DCAF1: variants seen among roughly 807,000 people sequenced by gnomAD.
DCAF1 encodes DDB1 and CUL4 associated factor 1, also known as DDB1- and CUL4-associated factor 1.
In DCAF1, 15 loss-of-function variants were observed where a neutral mutation model predicts 128.0. The observed-to-expected ratio is 0.12, with a 90% confidence interval of 0.08 to 0.18. The LOEUF is 0.18. Among genes scored for constraint, DCAF1 ranks in the 10% least tolerant of loss-of-function variants. DCAF1 has a pLI of 1.00. For missense variants in DCAF1, 988 were observed against 1,649.5 expected (o/e 0.60, Z 6.95); for synonymous variants, 610 against 603.0 (o/e 1.01, Z -0.17).
chr3:51,402,390 A>G (rs2089771422), intron 24 of DCAF1, among the ~76,000 whole-genome samples: 1 of 152,148 alleles, frequency 6.6e-6, no homozygotes, highest in Non-Finnish European at 1.5e-5. Context: ...CTTTCATTCT[A>G]AGGCTAATCC....
At chr3:51,429,124 G>A (rs1435677350) in intron 12 of DCAF1, 137 bp downstream of exon 12, 1 of 610,576 alleles carries the variant, frequency 1.6e-6, no homozygotes, top group African/African-American at 1.8e-5. Flanking sequence ...TTTTTCAATT[G>A]TTCTGCCTTC....
At chr3:51,490,707 C>T (rs1314523590) in intron 2 of DCAF1, among the ~76,000 whole-genome samples, 2 of 150,316 alleles carry the variant, frequency 1.3e-5, no homozygotes, top group East Asian at 4.0e-4. Context: ...GGTGGATCAC[C>T]TGAGTTCAAG....
intron 4 of DCAF1, among the ~76,000 whole-genome samples, chr3:51,470,529 G>A (rs1268552449): frequency 6.6e-6 from 1 of 152,150 alleles, no homozygotes; most frequent in Non-Finnish European, 1.5e-5. Flanking sequence ...TCATGCCACT[G>A]CACTGCAACC....
rs370156117 is a variant in DCAF1 at position 51,499,428 on chromosome 3, G to A, written c.-56+445C>T. ...ACGGGAGAGCCCGCCCAGGTGACTGGAGCTGGAGGCGGAGACACAGTCCGG... is the reference window on the plus strand; with the variant it reads ...ACGGGAGAGCCCGCCCAGGTGACTGAAGCTGGAGGCGGAGACACAGTCCGG... On this transcript the variant is annotated intron_variant, in intron 1 of 24. Transcript: ENST00000684031. 5.9e-5 allele frequency among the ~76,000 whole-genome samples: 9 copies of A among 152,320 alleles called. No homozygotes were observed. The East Asian group carries it at 1.5e-3, about 26-fold the overall frequency.
chr3:51,504,227 G>A (rs1347578415), upstream of DCAF1, among the ~76,000 whole-genome samples: 2 of 151,682 alleles, frequency 1.3e-5, no homozygotes, highest in Non-Finnish European at 1.5e-5. Context: ...TAGTAAAGAC[G>A]GGGTTTCACT....
chr3:51,462,608 T>C (rs1703721810), intron 6 of DCAF1, among the ~76,000 whole-genome samples: 1 of 151,688 alleles, frequency 6.6e-6, no homozygotes, highest in Non-Finnish European at 1.5e-5. Flanking sequence ...TAAGTGGACA[T>C]GGTGGTGGGC....
intron 6 of DCAF1, among the ~76,000 whole-genome samples, chr3:51,462,655 A>T (rs1703728059): frequency 6.7e-6 from 1 of 149,918 alleles, no homozygotes; most frequent in Non-Finnish European, 1.5e-5. Flanking sequence ...CTGAGGCAGG[A>T]GAATCACTTA....
intron 3 of DCAF1, among the ~76,000 whole-genome samples, chr3:51,477,702 G>A (rs1167547322): frequency 6.6e-6 from 1 of 152,080 alleles, no homozygotes; most frequent in East Asian, 1.9e-4. Flanking sequence ...GTAAATCTGA[G>A]AATGTCTATC....
intron 3 of DCAF1, among the ~76,000 whole-genome samples, chr3:51,476,853 C>T (rs1705521533): frequency 6.6e-6 from 1 of 151,894 alleles, no homozygotes; most frequent in African/African-American, 2.4e-5. Flanking sequence ...CCAGCCTGGG[C>T]AACAGAGCAG....
At position 51,461,534 on chromosome 3, in the gene DCAF1, C is replaced by T. The variant is rs573333789; in HGVS notation, c.375+1580G>A. 4.0e-3 allele frequency among the ~76,000 whole-genome samples: 610 copies of T among 151,968 alleles called. 19 individuals carry two copies. Among genetic ancestry groups the T allele is most frequent in the Admixed American group, 0.035 (537 of 15,248 alleles). On this transcript the variant is annotated intron_variant, in intron 6 of 24. Transcript: ENST00000684031. Reference sequence around the variant, plus strand: ...CCTCAGGGATCTAGAACTAGAAATACCATTTGACCCAGCCATCCCATTACT... The same window carrying T: ...CCTCAGGGATCTAGAACTAGAAATATCATTTGACCCAGCCATCCCATTACT...
Position 51,420,710 on chromosome 3 carries a change from T to A in DCAF1, c.2260A>T (p.Ile754Phe). 1 of 1,614,000 alleles carries A rather than the reference T, an allele frequency of 6.2e-7. No homozygotes were observed. The highest frequency in any genetic ancestry group is 8.5e-7 in the Non-Finnish European group (1 of 1,179,888). The change falls in exon 15 of 25, where the codon ATC becomes TTC. Residue 754 changes from isoleucine to phenylalanine, a missense_variant. Transcript: ENST00000684031. The surrounding 1 kb of genome is among the most constrained non-coding windows in gnomAD (Gnocchi z 6.5). ...AGGGCTTTGCAGGCCAGGGCCCGGA[T>A]TTGGTCTGCATCTGTGATGGGCATC... ...IKMPITDADQ[I>F]RALACKALVG...
At chr3:51,397,397 C>G (rs1384436236), downstream of DCAF1, 2 of 167,084 alleles carry the variant, frequency 1.2e-5, no homozygotes, top group Non-Finnish European at 2.9e-5. Flanking sequence ...CCAGGATGCT[C>G]AAGTCCACTG....
intron 9 of DCAF1, among the ~76,000 whole-genome samples, chr3:51,438,893 G>A (rs1261607524): frequency 1.3e-5 from 2 of 152,150 alleles, no homozygotes; most frequent in Admixed American, 6.5e-5. Flanking sequence ...TTACAGACAT[G>A]AGCCACCGCG....
intron 22 of DCAF1, 85 bp from the exon 23 acceptor site, chr3:51,412,565 C>A: frequency 6.3e-7 from 1 of 1,581,018 alleles, no homozygotes; most frequent in Non-Finnish European, 8.6e-7. Context: ...GTGCCCATGA[C>A]CTTGACCCTG....
chr3:51,453,031 A>T (rs1702516645), intron 6 of DCAF1, among the ~76,000 whole-genome samples: 1 of 151,630 alleles, frequency 6.6e-6, no homozygotes, highest in Non-Finnish European at 1.5e-5. Context: ...AAAAAAAAAA[A>T]TCTGTAATCT....
chr3:51,475,649 C>G (rs892692604), intron 3 of DCAF1, among the ~76,000 whole-genome samples: 1 of 152,158 alleles, frequency 6.6e-6, no homozygotes, highest in African/African-American at 2.4e-5. Flanking sequence ...ATCATGAGGT[C>G]AGGAGATCAA....
intron 2 of DCAF1, 104 bp from the exon 3 acceptor site, chr3:51,483,940 TAA>T: frequency 1.2e-6 from 1 of 801,978 alleles, no homozygotes; most frequent in Non-Finnish European, 2.1e-6. Context: ...GAGAAAAAAT[TAA>T]AAAGGGAAAT....
Position 51,483,871 on chromosome 3 carries a change from C to A in DCAF1, c.-8-35G>T, listed in dbSNP as rs1553654134. On this transcript the variant is annotated intron_variant, in intron 2 of 24. Transcript: ENST00000684031. ...CAAAAATAAAAATAAAAAAGACAACCAATAAATGAACACAAGCAAATAAAA... is the reference window on the plus strand; with the variant it reads ...CAAAAATAAAAATAAAAAAGACAACAAATAAATGAACACAAGCAAATAAAA... 7 of 1,420,370 alleles carry A rather than the reference C, an allele frequency of 4.9e-6. No homozygotes were observed. In the East Asian group the frequency reaches 1.4e-4, roughly 28 times the overall value. The allele number at this position is 1,420,370 out of a possible 1,614,324, so 88.0% of individuals were successfully genotyped here. A position where few individuals can be genotyped will look rare whatever the true frequency, so the allele number is the denominator to read the frequency against.
chr3:51,443,756 C>T lies in DCAF1; in HGVS notation c.513+10G>A. The T allele has an allele frequency of 4.4e-6, 7 of 1,589,044 alleles. No homozygotes were observed. The highest frequency in any genetic ancestry group is 6.0e-6 in the Non-Finnish European group (7 of 1,173,544). ...TTTTATATAAAAATTTATTCTAACACAGTCCTTACCAGCTGTGAATTTTCA... is the reference window on the plus strand; with the variant it reads ...TTTTATATAAAAATTTATTCTAACATAGTCCTTACCAGCTGTGAATTTTCA... On this transcript the variant is annotated intron_variant, in intron 7 of 24. Coordinates refer to ENST00000684031, the MANE Select transcript of DCAF1 (RefSeq NM_001387579.1).
Sources: gnomAD v4.1 joint callset for allele counts (sites outside exome capture counted in the v4.1 genomes callset) on GRCh38, gnomAD v4.1.1 for gene constraint, Gnocchi (gnomAD v3.1) non-coding constraint, MANE v1.5 for transcripts, NCBI Gene and HGNC (gene_info 2026-07-23, HGNC 2026-07-21) for gene names.